Variants in SMARCAD1 observed in about 807,000 individuals in gnomAD.
SMARCAD1 encodes SWI/SNF-related matrix-associated actin-dependent regulator of chromatin subfamily A containing DEAD/H box 1.
Under a neutral mutation model 127.1 loss-of-function variants are expected in SMARCAD1, and 25 were observed. The observed-to-expected ratio is 0.20, with a 90% confidence interval of 0.14 to 0.27. The LOEUF (loss-of-function observed/expected upper bound fraction) is 0.27, where lower values mean the gene tolerates loss of function less well. SMARCAD1 is among the 10% of genes least tolerant of loss of function. SMARCAD1 has a pLI of 1.00. For synonymous variants in SMARCAD1, 400 were observed against 396.9 expected, an observed-to-expected ratio of 1.01 and a Z score of -0.09; for missense variants, 807 against 1,206.0, an observed-to-expected ratio of 0.67 and a Z score of 4.90.
chr4:94,219,321 T>A (rs945896785), intron 2 of SMARCAD1, among the ~76,000 whole-genome samples: 3 of 152,300 alleles, frequency 2.0e-5, no homozygotes, highest in South Asian at 2.1e-4. Context: ...ATCACCTTTG[T>A]TTATGGATTA....
intron 2 of SMARCAD1, among the ~76,000 whole-genome samples, chr4:94,215,106 A>G (rs1241921630): frequency 6.6e-6 from 1 of 152,158 alleles, no homozygotes; most frequent in Admixed American, 6.5e-5. Flanking sequence ...TTTTAGCTTC[A>G]TAATTCCGTG....
At chr4:94,216,639 G>A (rs548976719) in intron 2 of SMARCAD1, among the ~76,000 whole-genome samples, 11 of 152,026 alleles carry the variant, frequency 7.2e-5, no homozygotes, top group African/African-American at 1.4e-4. Context: ...CCCAGCCCCC[G>A]GCAACTACCG....
intron 2 of SMARCAD1, 68 bp from the exon 3 acceptor site, chr4:94,226,051 A>C: frequency 7.7e-7 from 1 of 1,295,184 alleles, no homozygotes; most frequent in South Asian, 1.3e-5. Context: ...TTAGCACATG[A>C]TTATAACTAA....
rs1752843619 is a variant in SMARCAD1 at position 94,273,530 on chromosome 4, C to A, written c.1573-87C>A. ...TGGGAAATCAAAAGTGAATACAGCA[C>A]AGAATTACTGCTTTTTCTTCTGTAT... On this transcript the variant is annotated intron_variant, in intron 11 of 23. Coordinates refer to ENST00000354268, the MANE Select transcript of SMARCAD1 (RefSeq NM_020159.5). 4 of 996,670 alleles carry A rather than the reference C, an allele frequency of 4.0e-6. No homozygotes were observed. The South Asian group carries it at 5.6e-5, about 14-fold the overall frequency. The allele number at this position is 996,670 out of a possible 1,614,324, so 61.7% of individuals were successfully genotyped here.
chr4:94,226,863 CT>C (rs142493532), intron 3 of SMARCAD1, among the ~76,000 whole-genome samples: 21 of 146,244 alleles, frequency 1.4e-4, no homozygotes, highest in East Asian at 6.0e-4. Flanking sequence ...GGAATCGTTT[CT>C]TTTTTTTTTT....
intron 9 of SMARCAD1, among the ~76,000 whole-genome samples, chr4:94,254,600 T>C (rs1358622208): frequency 2.6e-5 from 4 of 152,126 alleles, no homozygotes; most frequent in Non-Finnish European, 5.9e-5. Context: ...TTGGAGATTA[T>C]GCATTACTTA....
intron 6 of SMARCAD1, among the ~76,000 whole-genome samples, chr4:94,241,783 T>A (rs1225418663): frequency 2.0e-5 from 3 of 152,140 alleles, no homozygotes; most frequent in Non-Finnish European, 4.4e-5. Flanking sequence ...AATAGCCAGA[T>A]TAATCTTGGT....
intron 3 of SMARCAD1, 92 bp from the exon 4 acceptor site, chr4:94,233,862 T>C: frequency 1.6e-6 from 2 of 1,284,066 alleles, no homozygotes; most frequent in East Asian, 2.5e-5. Context: ...GAACTGCAGA[T>C]GTGTTGTACT....
intron 2 of SMARCAD1, among the ~76,000 whole-genome samples, chr4:94,225,237 A>G (rs1260204958): frequency 1.3e-5 from 2 of 152,176 alleles, no homozygotes. Flanking sequence ...ACAATTGTGT[A>G]GCTTTGAAGT....
At chr4:94,278,783 G>C (rs1437020916) in intron 18 of SMARCAD1, 50 bp downstream of exon 18, 1 of 1,595,680 alleles carries the variant, frequency 6.3e-7, no homozygotes. Flanking sequence ...TTGTACTGGG[G>C]ATGCATTTTG....
chr4:94,209,407 A>T (rs1233751305), intron 2 of SMARCAD1, among the ~76,000 whole-genome samples: 2 of 152,168 alleles, frequency 1.3e-5, no homozygotes, highest in Non-Finnish European at 2.9e-5. Context: ...ATGATTCCTG[A>T]GCATAAACTA....
At chr4:94,244,345 A>G (rs1046554956) in intron 6 of SMARCAD1, among the ~76,000 whole-genome samples, 1 of 152,236 alleles carries the variant, frequency 6.6e-6, no homozygotes, top group African/African-American at 2.4e-5. Flanking sequence ...GCTGTCAGAC[A>G]TAACTATTAG....
chr4:94,267,960 A>G (rs922234566), intron 10 of SMARCAD1, among the ~76,000 whole-genome samples: 1 of 152,136 alleles, frequency 6.6e-6, no homozygotes, highest in Non-Finnish European at 1.5e-5. Context: ...CTATTTTTAA[A>G]TGTTGTTATA....
At chr4:94,209,236 C>G (rs1741790329) in intron 2 of SMARCAD1, among the ~76,000 whole-genome samples, 1 of 152,154 alleles carries the variant, frequency 6.6e-6, no homozygotes, top group African/African-American at 2.4e-5. Flanking sequence ...TATTTGAGCT[C>G]TTGTTGTATT....
intron 5 of SMARCAD1, 90 bp from the exon 6 acceptor site, chr4:94,240,816 C>G: frequency 1.2e-6 from 1 of 853,214 alleles, no homozygotes; most frequent in Non-Finnish European, 2.0e-6. Flanking sequence ...GTCTAGTATT[C>G]ATTATAATAC....
intron 14 of SMARCAD1, among the ~76,000 whole-genome samples, chr4:94,275,212 T>A (rs1051217938): frequency 6.6e-6 from 1 of 152,186 alleles, no homozygotes; most frequent in African/African-American, 2.4e-5. Flanking sequence ...TTGAAAAAAG[T>A]CGTCTTGTAA....
Position 94,289,571 on chromosome 4 carries a change from T to A in SMARCAD1, c.*37T>A, listed in dbSNP as rs1326612361. On this transcript the variant is annotated 3_prime_UTR_variant, in exon 24 of 24. Transcript: ENST00000354268. ...TGAACTCTCAATTGATGAGGAAATA[T>A]CAACTTGGTGCACTCAAGGACATTT... is the stretch of plus-strand genomic sequence containing the variant. The A allele has an allele frequency of 3.3e-6, 5 of 1,513,224 alleles. No individual in the cohort carries two copies. In the Admixed American group the frequency reaches 5.0e-5, roughly 15 times the overall value. 93.7% of individuals were successfully genotyped at this position (1,513,224 alleles called of 1,614,324 possible).
chr4:94,258,533 C>G lies in SMARCAD1; in HGVS notation c.1281+5526C>G, dbSNP rs543605278. Among the ~76,000 whole-genome samples, 6 of 152,272 alleles carry G rather than the reference C, an allele frequency of 3.9e-5. No homozygotes were observed. The South Asian group carries it at 1.2e-3, about 32-fold the overall frequency. On this transcript the variant is annotated intron_variant, in intron 9 of 23. Transcript: ENST00000354268. ...TGCTCTGATTTGGAAGTGGCCTTAG[C>G]ATTTCATTTTCCTGTCATCCTGGAG...
intron 3 of SMARCAD1, among the ~76,000 whole-genome samples, chr4:94,232,025 C>T (rs1745923808): frequency 6.6e-6 from 1 of 151,936 alleles, no homozygotes; most frequent in African/African-American, 2.4e-5. Context: ...CCATGCCAAG[C>T]TAATTGTTTT....
Sources: allele counts gnomAD v4.1 joint callset (sites outside exome capture counted in the v4.1 genomes callset), GRCh38; gene constraint gnomAD v4.1.1; transcripts MANE v1.5; gene names NCBI Gene and HGNC (gene_info 2026-07-23, HGNC 2026-07-21).